The following ACTR3C variants were observed in gnomAD, a reference collection of about 807,000 sequenced individuals.
ACTR3C encodes the protein actin-related protein 3C.
In ACTR3C, 18 loss-of-function variants were observed where a neutral mutation model predicts 26.3. The ratio of observed to expected loss-of-function variants is 0.68; its 90% CI spans 0.47 to 1.01. ACTR3C has a LOEUF of 1.01. ACTR3C is among the 50% of genes least tolerant of loss of function. The pLI is 0.00. For missense variants in ACTR3C, 184 were observed against 250.7 expected, an observed-to-expected ratio of 0.73 and a Z score of 1.80; for synonymous variants, 55 against 94.5, an observed-to-expected ratio of 0.58 and a Z score of 2.42.
the ACTR3C span, among the ~76,000 whole-genome samples, chr7:150,182,977 A>T: frequency 2.0e-5 from 3 of 150,996 alleles, no homozygotes; most frequent in South Asian, 4.1e-4. Flanking sequence ...TATGCTAAGC[A>T]TAGCAAATAC....
chr7:150,280,333 C>T (rs1239040630), intron 6 of ACTR3C, among the ~76,000 whole-genome samples: 4 of 152,114 alleles, frequency 2.6e-5, no homozygotes, highest in South Asian at 2.1e-4. Context: ...TTCCTGGAGG[C>T]GGAACACATA....
the ACTR3C span, among the ~76,000 whole-genome samples, chr7:150,031,542 T>G: frequency 6.6e-3 from 994 of 150,408 alleles, 14 homozygotes; most frequent in African/African-American, 0.018. Flanking sequence ...AGTCCCTGAG[T>G]AAAACCTGAG....
chr7:149,899,206 C>T, the ACTR3C span, among the ~76,000 whole-genome samples: 401 of 151,886 alleles, frequency 2.6e-3, 11 homozygotes, highest in Admixed American at 0.022. Flanking sequence ...AAAACTCTCA[C>T]CGTGGCAAAA....
At chr7:150,003,504 G>A in the ACTR3C span, among the ~76,000 whole-genome samples, 1 of 151,426 alleles carries the variant, frequency 6.6e-6, no homozygotes, top group Non-Finnish European at 1.5e-5. Flanking sequence ...AGGATGTGTG[G>A]CATGCGGTGT....
the ACTR3C span, chr7:149,882,118 T>C: frequency 2.6e-5 from 4 of 152,306 alleles, no homozygotes; most frequent in African/African-American, 9.7e-5. Flanking sequence ...GGAACCACTC[T>C]GCCAGTTCCT....
At chr7:149,924,975 A>C in the ACTR3C span, among the ~76,000 whole-genome samples, 1 of 152,180 alleles carries the variant, frequency 6.6e-6, no homozygotes, top group Non-Finnish European at 1.5e-5. Context: ...TCAAGGGAAA[A>C]ATTTATACAA....
chr7:149,890,161 A>G, the ACTR3C span, among the ~76,000 whole-genome samples: 1 of 152,222 alleles, frequency 6.6e-6, no homozygotes, highest in African/African-American at 2.4e-5. Flanking sequence ...TTATAATTGG[A>G]TCTGGGACCA....
At chr7:150,142,527 T>C in the ACTR3C span, among the ~76,000 whole-genome samples, 2 of 152,188 alleles carry the variant, frequency 1.3e-5, no homozygotes, top group Non-Finnish European at 2.9e-5. Flanking sequence ...ATTTGCTTGT[T>C]TTTTTGTTTG....
At chr7:150,163,506 G>C in the ACTR3C span, among the ~76,000 whole-genome samples, 1 of 151,292 alleles carries the variant, frequency 6.6e-6, no homozygotes, top group South Asian at 2.1e-4. Context: ...TATAAAAGGA[G>C]ATTTTACATA....
the ACTR3C span, among the ~76,000 whole-genome samples, chr7:149,955,565 G>C: frequency 3.3e-5 from 5 of 152,126 alleles, no homozygotes; most frequent in Admixed American, 6.5e-5. Context: ...GAAAAGAGTC[G>C]TAAGGTGCAT....
chr7:150,118,977 C>T, the ACTR3C span, among the ~76,000 whole-genome samples: 4 of 151,790 alleles, frequency 2.6e-5, no homozygotes, highest in African/African-American at 7.3e-5. Flanking sequence ...ATTTCATATC[C>T]TGCCAAACTA....
chr7:150,319,955 C>T (rs1050496888), intron 1 of ACTR3C, among the ~76,000 whole-genome samples: 1 of 152,218 alleles, frequency 6.6e-6, no homozygotes, highest in Non-Finnish European at 1.5e-5. Context: ...AAGTTTTGTA[C>T]CTACAGGAAG....
the ACTR3C span, among the ~76,000 whole-genome samples, chr7:150,080,781 T>C: frequency 6.6e-6 from 1 of 152,188 alleles, no homozygotes; most frequent in Non-Finnish European, 1.5e-5. Context: ...AAAAAGACTT[T>C]ATATGACCCA....
At chr7:149,909,927 G>GA in the ACTR3C span, among the ~76,000 whole-genome samples, 10,095 of 146,720 alleles carry the variant, frequency 0.069, 413 homozygotes, top group African/African-American at 0.12. Context: ...GTTTCTAGTA[G>GA]AAAAAAAGAA....
At chr7:149,979,606 G>C in the ACTR3C span, among the ~76,000 whole-genome samples, 1 of 151,972 alleles carries the variant, frequency 6.6e-6, no homozygotes, top group African/African-American at 2.4e-5. Flanking sequence ...CAATTATTTT[G>C]AGTTACTAAT....
the ACTR3C span, among the ~76,000 whole-genome samples, chr7:150,035,542 C>T: frequency 1.7e-5 from 2 of 116,890 alleles, no homozygotes; most frequent in African/African-American, 3.8e-5. Flanking sequence ...GCCTCCCCCT[C>T]CTGCGATGGG....
chr7:150,133,298 A>G, the ACTR3C span, among the ~76,000 whole-genome samples: 1 of 152,160 alleles, frequency 6.6e-6, no homozygotes, highest in Non-Finnish European at 1.5e-5. Context: ...ACGATGTGAC[A>G]AGGGACCAAC....
At chr7:150,090,858 C>T in the ACTR3C span, among the ~76,000 whole-genome samples, 1 of 152,134 alleles carries the variant, frequency 6.6e-6, no homozygotes, top group Non-Finnish European at 1.5e-5. Context: ...TAGCTACATC[C>T]TTACATCTTT....
the ACTR3C span, among the ~76,000 whole-genome samples, chr7:150,194,023 C>T: frequency 6.7e-4 from 96 of 144,000 alleles, no homozygotes; most frequent in Non-Finnish European, 1.2e-3. Context: ...CACACACACA[C>T]GAAAGAAAAG....
Sources: allele counts gnomAD v4.1 joint callset (sites outside exome capture counted in the v4.1 genomes callset), GRCh38; gene constraint gnomAD v4.1.1; transcripts MANE v1.5; gene names NCBI Gene and HGNC (gene_info 2026-07-23, HGNC 2026-07-21).